The following ADGRV1 variants were observed in gnomAD, a reference collection of about 807,000 sequenced individuals.
ADGRV1 encodes the protein G-protein coupled receptor 98.
Under a neutral mutation model 596.2 loss-of-function variants are expected in ADGRV1, and 359 were observed. That is an observed-to-expected ratio of 0.60 (90% CI 0.55 to 0.66). The LOEUF (loss-of-function observed/expected upper bound fraction) is 0.66. ADGRV1 is among the 30% of genes least tolerant of loss of function. The pLI is 0.00. For synonymous variants in ADGRV1, 2,681 were observed against 2,679.2 expected (o/e 1.00, Z -0.02); for missense variants, 7,274 against 7,575.6 (o/e 0.96, Z 1.48).
At chr5:91,067,643 C>T (rs912844487) in intron 85 of ADGRV1, among the ~76,000 whole-genome samples, 8 of 152,306 alleles carry the variant, frequency 5.3e-5, no homozygotes, top group African/African-American at 1.7e-4. Flanking sequence ...TCTTTATATT[C>T]CTAGAGTAAT....
chr5:91,092,224 C>T (rs919439504), intron 86 of ADGRV1, among the ~76,000 whole-genome samples: 5 of 152,060 alleles, frequency 3.3e-5, no homozygotes, highest in Non-Finnish European at 5.9e-5. Flanking sequence ...CTCAGCCTCC[C>T]GAATAGCTGG....
At chr5:90,927,491 A>T (rs1443571213) in intron 83 of ADGRV1, among the ~76,000 whole-genome samples, 1 of 152,054 alleles carries the variant, frequency 6.6e-6, no homozygotes, top group African/African-American at 2.4e-5. Flanking sequence ...TGCTTAGTAG[A>T]TCTTCCTCCA....
intron 9 of ADGRV1, among the ~76,000 whole-genome samples, chr5:90,633,724 T>G (rs1765790952): frequency 1.3e-5 from 2 of 152,126 alleles, no homozygotes; most frequent in Admixed American, 6.5e-5. Context: ...AAATGCAGTA[T>G]ACTAAAGATC....
chr5:90,815,885 G>A, intron 75 of ADGRV1, 149 bp downstream of exon 75: 2 of 581,778 alleles, frequency 3.4e-6, no homozygotes, highest in Non-Finnish European at 6.2e-6. Flanking sequence ...TTCTTAATTT[G>A]TGATTATGGT....
At chr5:90,803,948 C>CCAAAG (rs1483434628) in intron 71 of ADGRV1, among the ~76,000 whole-genome samples, 106 of 152,244 alleles carry the variant, frequency 7.0e-4, no homozygotes, top group African/African-American at 1.9e-3. Flanking sequence ...CATCATGGTA[C>CCAAAG]ATTCACATCT....
intron 83 of ADGRV1, among the ~76,000 whole-genome samples, chr5:90,949,369 A>G (rs1349196687): frequency 6.6e-6 from 1 of 152,164 alleles, no homozygotes; most frequent in Non-Finnish European, 1.5e-5. Context: ...ACTTCCATCT[A>G]AAAAATTTTT....
chr5:91,085,353 C>T (rs1324432223), intron 86 of ADGRV1, among the ~76,000 whole-genome samples: 3 of 152,172 alleles, frequency 2.0e-5, no homozygotes, highest in Non-Finnish European at 4.4e-5. Flanking sequence ...GTAACGGATA[C>T]TTATTTATTA....
At chr5:90,713,085 T>C (rs1167259278) in intron 42 of ADGRV1, among the ~76,000 whole-genome samples, 3 of 152,086 alleles carry the variant, frequency 2.0e-5, no homozygotes, top group Non-Finnish European at 4.4e-5. Context: ...ATTCTGATGA[T>C]AGACAAGCCA....
intron 86 of ADGRV1, among the ~76,000 whole-genome samples, chr5:91,093,379 T>C (rs1414730537): frequency 6.6e-6 from 1 of 152,242 alleles, no homozygotes; most frequent in African/African-American, 2.4e-5. Context: ...ATTCTCTTCA[T>C]TCTTGTACTT....
intron 85 of ADGRV1, among the ~76,000 whole-genome samples, chr5:91,064,759 C>G (rs1180915999): frequency 6.6e-6 from 1 of 152,134 alleles, no homozygotes; most frequent in Non-Finnish European, 1.5e-5. Flanking sequence ...ACTGTTTAAA[C>G]CCAAGCTGTA....
rs562004621 is a variant in ADGRV1 at position 90,927,233 on chromosome 5, G to A, written c.17857-38182G>A. 9.8e-4 allele frequency among the ~76,000 whole-genome samples: 148 copies of A among 151,084 alleles called. 3 individuals are homozygous for A. In the South Asian group the frequency reaches 0.029, roughly 30 times the overall value. On this transcript the variant is annotated intron_variant, in intron 83 of 89. Transcript: ENST00000405460. ...TGATCTGTTTAATGTTGACAGTGGG[G>A]TGTTAAAGTCTCCCATTATTAATGT...
chr5:90,701,337 A>C (rs1353491921), intron 34 of ADGRV1, among the ~76,000 whole-genome samples: 1 of 152,036 alleles, frequency 6.6e-6, no homozygotes, highest in Non-Finnish European at 1.5e-5. Context: ...TTGACTTTTC[A>C]TCCTGGCAGA....
Position 90,805,311 on chromosome 5 carries a change from C to T in ADGRV1, c.14689C>T (p.Leu4897Phe). Residue 4897 changes from leucine to phenylalanine, a missense_variant, in exon 72 of 90, where the codon CTC becomes TTC. Physicochemically the swap from Leu to Phe is conservative, Grantham distance 22 (BLOSUM62 0). Coordinates refer to ENST00000405460, the MANE Select transcript of ADGRV1 (RefSeq NM_032119.4). Reference sequence around the variant, plus strand: ...CGGATTTGAATCCACTGCTTTTCAACTCATGAACATCACTGCTGGCACAAG... The same window carrying T: ...CGGATTTGAATCCACTGCTTTTCAATTCATGAACATCACTGCTGGCACAAG... ...QVGFESTAFQ[L>F]MNITAGTSHV... 1.9e-6 allele frequency: 3 copies of T among 1,612,732 alleles called. No individual in the cohort carries two copies. The highest frequency in any genetic ancestry group is 1.1e-5 in the South Asian group (1 of 90,966).
intron 59 of ADGRV1, among the ~76,000 whole-genome samples, chr5:90,770,335 C>T (rs947716216): frequency 2.6e-5 from 4 of 152,152 alleles, no homozygotes; most frequent in African/African-American, 9.7e-5. Flanking sequence ...CCCGCCAGGT[C>T]CCTCCCATGA....
At chr5:90,606,943 G>A (rs73179771) in intron 1 of ADGRV1, among the ~76,000 whole-genome samples, 21 of 152,238 alleles carry the variant, frequency 1.4e-4, no homozygotes, top group African/African-American at 4.3e-4. Context: ...AGGGTATGTA[G>A]AGACAAAAGT....
At chr5:90,670,990 G>A (rs1447340315) in intron 21 of ADGRV1, among the ~76,000 whole-genome samples, 5 of 152,144 alleles carry the variant, frequency 3.3e-5, no homozygotes, top group African/African-American at 1.2e-4. Flanking sequence ...TGTAGCAATG[G>A]GTACGTAGTG....
intron 83 of ADGRV1, among the ~76,000 whole-genome samples, chr5:90,917,004 A>G (rs967933120): frequency 5.3e-5 from 8 of 152,200 alleles, no homozygotes; most frequent in Non-Finnish European, 1.0e-4. Context: ...TGAATATTTC[A>G]TTGTAAGTTA....
intron 85 of ADGRV1, among the ~76,000 whole-genome samples, chr5:91,029,350 A>G (rs1000945621): frequency 1.3e-5 from 2 of 152,210 alleles, no homozygotes; most frequent in Non-Finnish European, 2.9e-5. Flanking sequence ...ATGTCAAGGT[A>G]TGAATATGAT....
Position 90,681,578 on chromosome 5 carries a change from C to T in ADGRV1, c.5664+124C>T, listed in dbSNP as rs535936471. ...AGGCTGAGGGGAATGAGCCTATTGG[C>T]ACAGGCAATACAAATTGGTGATCAA... On this transcript the variant is annotated intron_variant, in intron 27 of 89. Transcript: ENST00000405460. 69 of 881,824 alleles carry T rather than the reference C, an allele frequency of 7.8e-5. No homozygotes were observed. In the African/African-American group the frequency reaches 1.0e-3, roughly 13 times the overall value. 54.6% of individuals were successfully genotyped at this position (881,824 alleles called of 1,614,324 possible). A position where few individuals can be genotyped will look rare whatever the true frequency, so the allele number is the denominator to read the frequency against.
Sources: allele counts gnomAD v4.1 joint callset (sites outside exome capture counted in the v4.1 genomes callset), GRCh38; gene constraint gnomAD v4.1.1; transcripts MANE v1.5; gene names NCBI Gene and HGNC (gene_info 2026-07-23, HGNC 2026-07-21).